The following IKBIP variants were observed in gnomAD, a reference collection of about 807,000 sequenced individuals.
The protein encoded by IKBIP is inhibitor of nuclear factor kappa-B kinase-interacting protein.
Under a neutral mutation model 31.0 loss-of-function variants are expected in IKBIP, and 28 were observed. The ratio of observed to expected loss-of-function variants is 0.90; its 90% confidence interval spans 0.67 to 1.24. IKBIP has a LOEUF of 1.24. IKBIP is among the 50% of genes most tolerant of loss of function. The probability of loss-of-function intolerance (pLI) is 0.00; values close to 1 mark genes in which losing one functional copy is unlikely to be tolerated. For synonymous variants in IKBIP, 164 were observed against 160.3 expected (o/e 1.02, Z -0.17); for missense variants, 453 against 441.9 (o/e 1.03, Z -0.23).
intron 1 of IKBIP, among the ~76,000 whole-genome samples, chr12:98,638,859 G>A (rs2097628121): frequency 6.6e-6 from 1 of 151,320 alleles, no homozygotes; most frequent in Admixed American, 6.6e-5. Context: ...ATAGTTCACT[G>A]CAGGTCAAAC....
chr12:98,619,121 C>T (rs2097608139), intron 2 of IKBIP, among the ~76,000 whole-genome samples: 1 of 152,150 alleles, frequency 6.6e-6, no homozygotes. Flanking sequence ...GCGAAATGTT[C>T]CTGTGGGTAT....
rs2097613948 is a variant in IKBIP, at chr12:98,626,068, A to G, written c.996T>C (p.Asn332=). Residue 332 remains asparagine, a synonymous_variant, in exon 3 of 3, where the codon AAT becomes AAC. Transcript: ENST00000299157. ...QKTLEGIQYD[N]SILKMQNELD... is the part of the protein sequence containing the mutation. Reference sequence around the variant, plus strand: ...GTTCATTTTGCATCTTTAATATGCTATTATCATACTGAATTCCTTCAAGGG... The same window carrying G: ...GTTCATTTTGCATCTTTAATATGCTGTTATCATACTGAATTCCTTCAAGGG... The G allele has an allele frequency of 6.3e-7, 1 of 1,598,404 alleles. No homozygotes were observed. The highest frequency in any genetic ancestry group is 8.5e-7 in the Non-Finnish European group (1 of 1,171,532).
At chr12:98,643,686 T>C (rs749023240) in intron 1 of IKBIP, among the ~76,000 whole-genome samples, 1 of 152,248 alleles carries the variant, frequency 6.6e-6, no homozygotes, top group Non-Finnish European at 1.5e-5. Context: ...AGCTTTACCA[T>C]ATTCAATCTG....
At chr12:98,631,792 A>G (rs1349902645) in intron 2 of IKBIP, among the ~76,000 whole-genome samples, 3 of 132,560 alleles carry the variant, frequency 2.3e-5, no homozygotes, top group Non-Finnish European at 4.7e-5. Flanking sequence ...CCTCCCCCAC[A>G]AAAAAAAAAA....
rs1215634954 is a variant in IKBIP, at chr12:98,626,368, G to T, written c.696C>A (p.Gly232=). The T allele has an allele frequency of 6.2e-7, 1 of 1,613,900 alleles. No homozygotes were observed. The highest frequency in any genetic ancestry group is 8.5e-7 in the Non-Finnish European group (1 of 1,180,024). Residue 232 remains glycine (G), a synonymous_variant, in exon 3 of 3, where the codon GGC becomes GGA. Coordinates refer to ENST00000299157, the MANE Select transcript of IKBIP (RefSeq NM_153687.4). ...EDLLRVEEQL[G]SDTKAIEKLE... Reference sequence around the variant, plus strand: ...ACTTTTCAATTGCCTTTGTATCAGAGCCTAGCTGCTCCTCTACTCGCAGGA... The same window carrying T: ...ACTTTTCAATTGCCTTTGTATCAGATCCTAGCTGCTCCTCTACTCGCAGGA...
At chr12:98,633,088 G>A (rs564275368) in intron 2 of IKBIP, among the ~76,000 whole-genome samples, 2 of 152,260 alleles carry the variant, frequency 1.3e-5, no homozygotes, top group East Asian at 3.9e-4. Context: ...CTCATCCTGT[G>A]CATGGGGCTG....
At position 98,624,558 on chromosome 12, in the gene IKBIP, A is replaced by C; in HGVS notation, c.*1372T>G. The stretch of plus-strand genomic sequence containing the variant: ...ACTGCTTTCAAGTTCTTTGTGTTTA[A>C]TTCCATCAAAAACTGCATTATAAAA... On this transcript the variant is annotated 3_prime_UTR_variant, in exon 3 of 3. Transcript: ENST00000299157. 5 of 980,208 alleles carry C rather than the reference A, an allele frequency of 5.1e-6. No individual in the cohort carries two copies. Among genetic ancestry groups the C allele is most frequent in the Non-Finnish European group, 6.1e-6 (5 of 825,164 alleles). 60.7% of individuals were successfully genotyped at this position (980,208 alleles called of 1,614,324 possible).
intron 2 of IKBIP, among the ~76,000 whole-genome samples, chr12:98,618,503 G>T (rs963787997): frequency 6.6e-6 from 1 of 151,902 alleles, no homozygotes; most frequent in African/African-American, 2.4e-5. Context: ...GTGGGCGCCT[G>T]TAGTCCCAGC....
chr12:98,624,999 G>T lies in IKBIP; in HGVS notation c.*931C>A. On this transcript the variant is annotated 3_prime_UTR_variant, in exon 3 of 3. Coordinates refer to ENST00000299157, the MANE Select transcript of IKBIP (RefSeq NM_153687.4). ...TTTTGTATTTTTTAGTAGAGACAGGGTTTCACCCTGTTAGCCAGATGGTCT... is the reference window on the plus strand; with the variant it reads ...TTTTGTATTTTTTAGTAGAGACAGGTTTTCACCCTGTTAGCCAGATGGTCT... 1 of 412,010 alleles carries T rather than the reference G, an allele frequency of 2.4e-6. No homozygotes were observed. Among genetic ancestry groups the T allele is most frequent in the Non-Finnish European group, 3.3e-6 (1 of 306,200 alleles). The allele number at this position is 412,010 out of a possible 1,614,324, so 25.5% of individuals were successfully genotyped here.
chr12:98,633,808 C>T (rs190160736), intron 2 of IKBIP, among the ~76,000 whole-genome samples: 15 of 152,290 alleles, frequency 9.8e-5, no homozygotes, highest in African/African-American at 3.6e-4. Context: ...TGAGCCACTA[C>T]TCCCAGCCTA....
At position 98,625,175 on chromosome 12, in the gene IKBIP, A is replaced by G; in HGVS notation, c.*755T>C. ...CTAACACAGTTGGAACCTAAAACTC[A>G]GGTATATAAAGATATTTCAAAGATT... On this transcript the variant is annotated 3_prime_UTR_variant, in exon 3 of 3. Coordinates refer to ENST00000299157, the MANE Select transcript of IKBIP (RefSeq NM_153687.4). The G allele has an allele frequency of 2.0e-6, 2 of 984,218 alleles. No homozygotes were observed. The highest frequency in any genetic ancestry group is 1.2e-6 in the Non-Finnish European group (1 of 828,816). 61.0% of individuals were successfully genotyped at this position (984,218 alleles called of 1,614,324 possible).
At chr12:98,622,663 C>G (rs531175396), downstream of IKBIP, among the ~76,000 whole-genome samples, 3 of 150,796 alleles carry the variant, frequency 2.0e-5, no homozygotes, top group South Asian at 6.3e-4. Flanking sequence ...TTTTCAGCAT[C>G]ATTACTGTGT....
At chr12:98,615,274 C>T (rs184752830) in intron 2 of IKBIP, among the ~76,000 whole-genome samples, 1 of 151,984 alleles carries the variant, frequency 6.6e-6, no homozygotes, top group Admixed American at 6.6e-5. Context: ...CACTCTGTAC[C>T]CAGGCTGGAA....
intron 2 of IKBIP, 28 bp downstream of exon 2, chr12:98,634,268 C>G (rs201028823): frequency 1.1e-4 from 120 of 1,093,012 alleles, no homozygotes; most frequent in Non-Finnish European, 1.4e-4. Context: ...ATGGGAAAAC[C>G]GTCCCAGATA....
Position 98,626,633 on chromosome 12 carries a change from C to CT in IKBIP, c.430dup (p.Arg144LysfsTer6), listed in dbSNP as rs758488766. ...AAATTTCTCATTAAGGCTTTGCATCCTTTGAGTGAGCACCTCTTCATTATT... is the reference window on the plus strand; with the variant it reads ...AAATTTCTCATTAAGGCTTTGCATCCTTTTGAGTGAGCACCTCTTCATTATT... On this transcript the variant is annotated frameshift_variant, in exon 3 of 3. Coordinates refer to ENST00000299157, the MANE Select transcript of IKBIP (RefSeq NM_153687.4). LOFTEE classifies it high-confidence loss of function. 1 of 1,613,942 alleles carries CT rather than the reference C, an allele frequency of 6.2e-7. No individual in the cohort carries two copies. The highest frequency in any genetic ancestry group is 1.3e-5 in the African/African-American group (1 of 75,018).
At chr12:98,634,569 C>CT (rs1281989906) in intron 1 of IKBIP, among the ~76,000 whole-genome samples, 156 bp from the exon 2 acceptor site, 1 of 147,890 alleles carries the variant, frequency 6.8e-6, no homozygotes, top group Non-Finnish European at 1.5e-5. Context: ...GGGTCTCACT[C>CT]TGTCACCCAG....
intron 2 of IKBIP, among the ~76,000 whole-genome samples, chr12:98,616,152 T>C (rs1441123522): frequency 6.6e-6 from 1 of 152,184 alleles, no homozygotes; most frequent in Non-Finnish European, 1.5e-5. Flanking sequence ...CACCAACACT[T>C]GTTATCTTTT....
downstream of IKBIP, among the ~76,000 whole-genome samples, chr12:98,620,629 C>G (rs12579443): frequency 6.6e-6 from 1 of 151,990 alleles, no homozygotes; most frequent in Admixed American, 6.6e-5. Flanking sequence ...CCTCCCAAAG[C>G]GCTGAAATTA....
In IKBIP at chr12:98,644,755, AGGACGTGGCCGCCTT is replaced by A; in HGVS notation, c.-69_-55del. On this transcript the variant is annotated 5_prime_UTR_variant, in exon 1 of 3. Transcript: ENST00000299157. Reference sequence around the variant, plus strand: ...GGGCAGCTTCTTCACCAGGGGGAGCAGGACGTGGCCGCCTTGGCGTTCGTGGGAACCCTGGGCGGT... The same window carrying A: ...GGGCAGCTTCTTCACCAGGGGGAGCAGGCGTTCGTGGGAACCCTGGGCGGT... The A allele has an allele frequency of 1.3e-6, 2 of 1,557,490 alleles. No homozygotes were observed. The highest frequency in any genetic ancestry group is 1.7e-6 in the Non-Finnish European group (2 of 1,157,400).
Sources: allele counts gnomAD v4.1 joint callset (sites outside exome capture counted in the v4.1 genomes callset), GRCh38; gene constraint gnomAD v4.1.1; transcripts MANE v1.5; gene names NCBI Gene and HGNC (gene_info 2026-07-23, HGNC 2026-07-21).